NLRP3: variants seen among roughly 807,000 people sequenced by gnomAD.
NLRP3 encodes NLR family pyrin domain containing 3, also known as NACHT, LRR and PYD domains-containing protein 3.
Under a neutral mutation model 91.3 loss-of-function variants are expected in NLRP3, and 48 were observed. That is an observed-to-expected ratio of 0.53 (90% CI 0.42 to 0.67). NLRP3 has a LOEUF of 0.67. Ranked by LOEUF, NLRP3 falls within the 30% of genes least tolerant of loss-of-function variation. The pLI, the probability that NLRP3 is intolerant of heterozygous loss-of-function variation, is 0.00. For missense variants in NLRP3, 982 were observed against 1,276.9 expected (o/e 0.77, Z 3.52); for synonymous variants, 561 against 507.9 (o/e 1.10, Z -1.41).
Position 247,424,695 on chromosome 1 carries a change from G to A in NLRP3, c.1246G>A (p.Val416Met), listed in dbSNP as rs760600767. 9 of 1,614,080 alleles carry A rather than the reference G, an allele frequency of 5.6e-6. No individual in the cohort carries two copies. Among genetic ancestry groups the A allele is most frequent in the Admixed American group, 1.7e-5 (1 of 60,008 alleles). The change falls in exon 4 of 10, where the codon GTG (valine) becomes ATG (methionine). Residue 416 changes from valine to methionine, a missense_variant. This residue lies in a region of NLRP3 where 548 missense variants were observed against 713.7 expected (regional missense o/e 0.77). Transcript: ENST00000336119. This position sits in a 1 kb window ranked among gnomAD's most constrained non-coding sequence, Gnocchi z 8.1. ...MCFIPLVCWI[V>M]CTGLKQQMES... ...CTTCATCCCCCTGGTCTGCTGGATC[G>A]TGTGCACTGGACTGAAACAGCAGAT...
intron 5 of NLRP3, among the ~76,000 whole-genome samples, chr1:247,431,728 C>T (rs1663346403): frequency 6.6e-6 from 1 of 152,166 alleles, no homozygotes. Context: ...TAAGATGGTC[C>T]TTTAGAAAAT....
At chr1:247,422,642 G>A (rs535655930) in intron 2 of NLRP3, among the ~76,000 whole-genome samples, 4 of 152,236 alleles carry the variant, frequency 2.6e-5, no homozygotes, top group Admixed American at 6.5e-5. Flanking sequence ...ACCTCTGGGC[G>A]TGCAGTCCTG....
At chr1:247,440,357 G>T (rs1430481115) in intron 7 of NLRP3, among the ~76,000 whole-genome samples, 2 of 152,142 alleles carry the variant, frequency 1.3e-5, no homozygotes. Context: ...TGCTGAGTGA[G>T]TAAACGGGGG....
chr1:247,434,273 G>A lies in NLRP3; in HGVS notation c.2492G>A (p.Trp831Ter). 1 of 1,614,160 alleles carries A rather than the reference G, an allele frequency of 6.2e-7. No individual in the cohort carries two copies. The highest frequency in any genetic ancestry group is 8.5e-7 in the Non-Finnish European group (1 of 1,179,988). Residue 831 changes from tryptophan (W) to a stop codon, truncating the protein, a stop_gained and splice_region_variant, in exon 6 of 10, where the codon TGG becomes TAG. Coordinates refer to ENST00000336119, the MANE Select transcript of NLRP3 (RefSeq NM_001243133.2). LOFTEE classifies it high-confidence loss of function. ...KHLLCNLKKL[W>*]LVSCCLTSAC... ...CTGTTGTGCAATCTGAAGAAGCTCT[G>A]GTGAGTCGAGCCCGTTCCCCTAAGG...
chr1:247,425,022 G>T lies in NLRP3; in HGVS notation c.1573G>T (p.Glu525Ter). The change falls in exon 4 of 10, where the codon GAG becomes TAG. Residue 525 changes from glutamate to a stop codon, truncating the protein, a stop_gained. Coordinates refer to ENST00000336119, the MANE Select transcript of NLRP3 (RefSeq NM_001243133.2). LOFTEE classifies it high-confidence loss of function. The surrounding 1 kb of genome is among the most constrained non-coding windows in gnomAD (Gnocchi z 4.1). ...FYSFIHMTFQ[E>*]FFAAMYYLLE... ...CAGCTTCATCCACATGACTTTCCAG[G>T]AGTTCTTTGCCGCCATGTACTACCT... 6.2e-7 allele frequency: 1 copy of T among 1,614,208 alleles called. No individual in the cohort carries two copies. Among genetic ancestry groups the T allele is most frequent in the Non-Finnish European group, 8.5e-7 (1 of 1,180,038 alleles).
At chr1:247,427,834 T>G in intron 4 of NLRP3, among the ~76,000 whole-genome samples, 1 of 10,674 alleles carries the variant, frequency 9.4e-5, no homozygotes, top group African/African-American at 4.0e-4. Flanking sequence ...CAGACTCTGA[T>G]TGGAGCCCTG....
At chr1:247,422,590 T>C (rs1006967632) in intron 2 of NLRP3, among the ~76,000 whole-genome samples, 1 of 152,118 alleles carries the variant, frequency 6.6e-6, no homozygotes, top group Non-Finnish European at 1.5e-5. Context: ...GCTTTTAGTA[T>C]GTGATGGTTC....
At chr1:247,433,140 G>A (rs534881777) in intron 5 of NLRP3, among the ~76,000 whole-genome samples, 9 of 152,200 alleles carry the variant, frequency 5.9e-5, no homozygotes, top group Non-Finnish European at 1.3e-4. Context: ...CCAGGAGTTC[G>A]AGGTGGCAGT....
At chr1:247,431,906 C>T (rs906427586) in intron 5 of NLRP3, among the ~76,000 whole-genome samples, 2 of 152,076 alleles carry the variant, frequency 1.3e-5, no homozygotes, top group African/African-American at 2.4e-5. Context: ...TGTAACTACC[C>T]CTTTTTTTTT....
In NLRP3 at chr1:247,418,962, G is replaced by T. The variant is rs769297212; in HGVS notation, c.162G>T (p.Thr54=). Residue 54 remains threonine (T), a synonymous_variant, in exon 2 of 10, where the codon ACG becomes ACT. Transcript: ENST00000336119. ...AGGCAGACCATGTGGATCTAGCCAC[G>T]CTAATGATCGACTTCAATGGGGAGG... The part of the protein sequence containing the change: ...TEKADHVDLA[T]LMIDFNGEEK... The T allele has an allele frequency of 1.2e-6, 2 of 1,614,008 alleles. No individual in the cohort carries two copies. The highest frequency in any genetic ancestry group is 8.5e-7 in the Non-Finnish European group (1 of 1,180,032).
At chr1:247,448,268 CTTTTTTTTTTT>C (rs58966539) in intron 9 of NLRP3, 126 bp from the exon 10 acceptor site, 3 of 358,636 alleles carry the variant, frequency 8.4e-6, no homozygotes, top group Non-Finnish European at 1.0e-5. Flanking sequence ...TGTGGTCCCT[CTTTTTTTTTTT>C]TTTTTTTTTT....
chr1:247,430,476 A>G (rs1558197423), intron 5 of NLRP3, among the ~76,000 whole-genome samples: 1 of 152,300 alleles, frequency 6.6e-6, no homozygotes, highest in East Asian at 1.9e-4. Context: ...ACTCCTTTAA[A>G]GACCCCATTT....
chr1:247,418,761 G>T lies in NLRP3; in HGVS notation c.-40G>T, dbSNP rs73136263. On this transcript the variant is annotated 5_prime_UTR_variant, in exon 2 of 10. Transcript: ENST00000336119. ...GTTCACTGCCTGGTATCTTAGTGTG[G>T]ACCGAAGCCTAAGGACCCTGAAAAC... 0.043 allele frequency: 68,606 copies of T among 1,612,178 alleles called. 1,756 individuals are homozygous for T. Among genetic ancestry groups the T allele is most frequent in the Non-Finnish European group, 0.046 (54,476 of 1,179,730 alleles).
intron 2 of NLRP3, among the ~76,000 whole-genome samples, 185 bp from the exon 3 acceptor site, chr1:247,423,045 C>T (rs987070668): frequency 6.6e-6 from 1 of 152,170 alleles, no homozygotes; most frequent in Non-Finnish European, 1.5e-5. Flanking sequence ...TGTTTTGAAA[C>T]TAGGAGTGCA....
intron 5 of NLRP3, among the ~76,000 whole-genome samples, chr1:247,433,846 TTGTCA>T (rs1663545743): frequency 7.6e-6 from 1 of 131,160 alleles, no homozygotes; most frequent in African/African-American, 2.9e-5. Context: ...CAGAGCTCTC[TTGTCA>T]GGTGTGTCCT....
chr1:247,426,693 C>T (rs972065790), intron 4 of NLRP3, among the ~76,000 whole-genome samples: 4 of 152,192 alleles, frequency 2.6e-5, no homozygotes, highest in African/African-American at 9.7e-5. Flanking sequence ...TGAGGTCTGG[C>T]TGTGGGACAG....
chr1:247,441,769 A>G (rs1017771670), intron 7 of NLRP3, among the ~76,000 whole-genome samples: 1 of 152,194 alleles, frequency 6.6e-6, no homozygotes, highest in Non-Finnish European at 1.5e-5. Context: ...ACCGTTGCTT[A>G]ATAGTTACCA....
intron 4 of NLRP3, among the ~76,000 whole-genome samples, chr1:247,427,835 T>G (rs1175151130): frequency 2.7e-5 from 1 of 36,434 alleles, no homozygotes; most frequent in Non-Finnish European, 6.3e-5. Context: ...AGACTCTGAT[T>G]GGAGCCCTGG....
rs866873824 is a variant in NLRP3, at chr1:247,419,166, T to A, written c.277+89T>A. The A allele has an allele frequency of 9.7e-4, 876 of 899,978 alleles. 2 individuals are homozygous for A. The highest frequency in any genetic ancestry group is 4.6e-3 in the South Asian group (171 of 36,872). 55.7% of individuals were successfully genotyped at this position (899,978 alleles called of 1,614,324 possible). The stretch of plus-strand genomic sequence containing the variant: ...TCTTTATATATATATATATATATAT[T>A]TTTTTTTGAGACGGAGTTGCTCTTG... On this transcript the variant is annotated intron_variant, in intron 2 of 9. Coordinates refer to ENST00000336119, the MANE Select transcript of NLRP3 (RefSeq NM_001243133.2).
Sources: gnomAD v4.1 joint callset for allele counts (sites outside exome capture counted in the v4.1 genomes callset) on GRCh38, gnomAD v4.1.1 for gene constraint, gnomAD v4.1.1 regional missense constraint, Gnocchi (gnomAD v3.1) non-coding constraint, MANE v1.5 for transcripts, NCBI Gene and HGNC (gene_info 2026-07-23, HGNC 2026-07-21) for gene names.